The following GPC5 variants were observed in gnomAD, a reference collection of about 807,000 sequenced individuals.
GPC5 encodes glypican-5.
In GPC5, 47 loss-of-function variants were observed where a neutral mutation model predicts 53.9. The ratio of observed to expected loss-of-function variants is 0.87; its 90% CI spans 0.69 to 1.11. The LOEUF is 1.11. Ranked by LOEUF, GPC5 falls within the 50% of genes most tolerant of loss-of-function variation. The pLI, the probability that GPC5 is intolerant of heterozygous loss-of-function variation, is 0.00. For synonymous variants in GPC5, 286 were observed against 263.3 expected (o/e 1.09, Z -0.84); for missense variants, 748 against 713.1 (o/e 1.05, Z -0.56).
intron 7 of GPC5, among the ~76,000 whole-genome samples, chr13:92,544,116 C>T (rs1882021827): frequency 6.6e-6 from 1 of 152,016 alleles, no homozygotes; most frequent in Non-Finnish European, 1.5e-5. Context: ...TTATACCAAA[C>T]CTGGTTTGAG....
intron 7 of GPC5, among the ~76,000 whole-genome samples, chr13:92,275,435 C>A (rs1201733742): frequency 6.6e-6 from 1 of 151,954 alleles, no homozygotes; most frequent in Non-Finnish European, 1.5e-5. Context: ...AAATTGACTT[C>A]GTTGAATTTT....
At chr13:91,930,791 C>T (rs1345244190) in intron 6 of GPC5, among the ~76,000 whole-genome samples, 1 of 152,032 alleles carries the variant, frequency 6.6e-6, no homozygotes, top group Non-Finnish European at 1.5e-5. Context: ...TTTCCAGGCA[C>T]TTCAACATGT....
chr13:91,478,822 T>TATATATATACACAC (rs1323023652), intron 2 of GPC5, among the ~76,000 whole-genome samples: 7 of 92,162 alleles, frequency 7.6e-5, no homozygotes, highest in Admixed American at 3.4e-4. Flanking sequence ...TATATATATA[T>TATATATATACACAC]ACACACACAC....
chr13:91,584,830 C>G (rs1320854977), intron 2 of GPC5, among the ~76,000 whole-genome samples: 1 of 152,196 alleles, frequency 6.6e-6, no homozygotes, highest in East Asian at 1.9e-4. Flanking sequence ...TCTGCCCGCC[C>G]GGTCTCCCAA....
At chr13:91,602,621 A>T (rs1005555502) in intron 2 of GPC5, among the ~76,000 whole-genome samples, 4 of 152,206 alleles carry the variant, frequency 2.6e-5, no homozygotes, top group African/African-American at 9.6e-5. Flanking sequence ...TATGATCAGT[A>T]TGCAGATCAC....
chr13:92,753,094 C>T (rs1010550711), intron 7 of GPC5, among the ~76,000 whole-genome samples: 8 of 152,192 alleles, frequency 5.3e-5, no homozygotes, highest in Non-Finnish European at 1.0e-4. Flanking sequence ...GTCCCTCTGA[C>T]AGCTTTGAAG....
intron 2 of GPC5, among the ~76,000 whole-genome samples, chr13:91,675,171 A>C (rs866774390): frequency 2.5e-4 from 38 of 152,166 alleles, no homozygotes; most frequent in African/African-American, 8.7e-4. Context: ...GGAAAAAAAA[A>C]CCTATTGGGT....
chr13:92,402,886 T>A (rs1382817465), intron 7 of GPC5, among the ~76,000 whole-genome samples: 4 of 152,232 alleles, frequency 2.6e-5, no homozygotes, highest in Non-Finnish European at 5.9e-5. Context: ...ATGCTTTTCC[T>A]CCACTCAATG....
At chr13:91,722,488 G>A (rs565020785) in intron 3 of GPC5, among the ~76,000 whole-genome samples, 61 of 152,224 alleles carry the variant, frequency 4.0e-4, no homozygotes, top group South Asian at 1.2e-3. Flanking sequence ...ATGCAGAAGC[G>A]CCCTCTGGTG....
Position 92,098,571 on chromosome 13 carries a change from G to A in GPC5, c.1402-46259G>A, listed in dbSNP as rs188373571. Among the ~76,000 whole-genome samples, 263 of 152,206 alleles carry A rather than the reference G, an allele frequency of 1.7e-3. 1 individual carries two copies. The highest frequency in any genetic ancestry group is 3.0e-3 in the Non-Finnish European group (203 of 67,998). On this transcript the variant is annotated intron_variant, in intron 6 of 7. Coordinates refer to ENST00000377067, the MANE Select transcript of GPC5 (RefSeq NM_004466.6). ...GGAGGTTCCATAGAAGTTTGTAAAA[G>A]GCAGAAAAAATGCCCCCCCACACAA...
At chr13:92,748,531 C>T (rs1889299442) in intron 7 of GPC5, among the ~76,000 whole-genome samples, 1 of 151,734 alleles carries the variant, frequency 6.6e-6, no homozygotes, top group Non-Finnish European at 1.5e-5. Context: ...CCATCTTGGC[C>T]AGGCTGGTCT....
intron 2 of GPC5, among the ~76,000 whole-genome samples, chr13:91,571,771 A>ATATATACACACATATACGTGTGTGTGTG (rs1555325777): frequency 8.5e-6 from 1 of 118,118 alleles, no homozygotes; most frequent in African/African-American, 3.6e-5. Flanking sequence ...GTGTATGTGT[A>ATATATACACACATATACGTGTGTGTGTG]TATACACACA....
At chr13:91,559,871 C>G (rs1299204638) in intron 2 of GPC5, among the ~76,000 whole-genome samples, 1 of 152,080 alleles carries the variant, frequency 6.6e-6, no homozygotes, top group African/African-American at 2.4e-5. Flanking sequence ...CAGGTACAGA[C>G]TATAACCCAG....
intron 7 of GPC5, among the ~76,000 whole-genome samples, chr13:92,187,101 A>C (rs2042189483): frequency 6.9e-6 from 1 of 144,174 alleles, no homozygotes; most frequent in Admixed American, 6.8e-5. Flanking sequence ...GACAAGAGCA[A>C]AACTCCATCT....
At chr13:92,073,867 A>G (rs779383618) in intron 6 of GPC5, among the ~76,000 whole-genome samples, 34 of 152,148 alleles carry the variant, frequency 2.2e-4, no homozygotes, top group Admixed American at 2.0e-4. Context: ...ACGTAATTGA[A>G]TCATGGGGGC....
chr13:92,355,989 T>A (rs2043518533), intron 7 of GPC5, among the ~76,000 whole-genome samples: 1 of 151,832 alleles, frequency 6.6e-6, no homozygotes, highest in Non-Finnish European at 1.5e-5. Context: ...ACAAACTCCT[T>A]TGACCCTCTT....
At chr13:92,054,048 TAAA>T (rs2041053541) in intron 6 of GPC5, among the ~76,000 whole-genome samples, 4 of 149,374 alleles carry the variant, frequency 2.7e-5, no homozygotes, top group Non-Finnish European at 5.9e-5. Flanking sequence ...AATAAATAAA[TAAA>T]TAAATAAATA....
intron 3 of GPC5, among the ~76,000 whole-genome samples, chr13:91,702,438 C>G (rs756421793): frequency 3.9e-5 from 6 of 151,984 alleles, no homozygotes; most frequent in Non-Finnish European, 8.8e-5. Flanking sequence ...TTATGTTAGT[C>G]CAAAATTAAT....
chr13:92,355,168 TATTCTC>T (rs2139273318), intron 7 of GPC5, among the ~76,000 whole-genome samples: 1 of 151,946 alleles, frequency 6.6e-6, no homozygotes, highest in East Asian at 1.9e-4. Context: ...GAAGAAAAAT[TATTCTC>T]ATTAATAATT....
Sources: allele counts gnomAD v4.1 joint callset (sites outside exome capture counted in the v4.1 genomes callset), GRCh38; gene constraint gnomAD v4.1.1; transcripts MANE v1.5; gene names NCBI Gene and HGNC (gene_info 2026-07-23, HGNC 2026-07-21).